PARD3B: variants seen among roughly 807,000 people sequenced by gnomAD.
The protein encoded by PARD3B is par-3 family cell polarity regulator beta.
Under a neutral mutation model 130.2 loss-of-function variants are expected in PARD3B, and 103 were observed. The ratio of observed to expected loss-of-function variants is 0.79; its 90% confidence interval spans 0.67 to 0.93. PARD3B has a LOEUF of 0.93. Among genes scored for constraint, PARD3B ranks in the 40% least tolerant of loss-of-function variants. The pLI is 0.00. For missense variants in PARD3B, 1,609 were observed against 1,499.2 expected, an observed-to-expected ratio of 1.07 and a Z score of -1.21; for synonymous variants, 583 against 553.2, an observed-to-expected ratio of 1.05 and a Z score of -0.76.
At chr2:204,922,536 A>G (rs996677139) in intron 2 of PARD3B, among the ~76,000 whole-genome samples, 15 of 152,070 alleles carry the variant, frequency 9.9e-5, no homozygotes, top group Non-Finnish European at 2.1e-4. Flanking sequence ...GAAAAGTCAT[A>G]TTGCATTTGG....
At chr2:204,624,768 C>T (rs2034428850) in intron 1 of PARD3B, among the ~76,000 whole-genome samples, 1 of 152,012 alleles carries the variant, frequency 6.6e-6, no homozygotes, top group Admixed American at 6.6e-5. Flanking sequence ...GATCTCTGGG[C>T]CATATGTTAA....
chr2:205,036,930 CAT>C (rs1004895162), intron 3 of PARD3B, among the ~76,000 whole-genome samples: 46 of 146,556 alleles, frequency 3.1e-4, no homozygotes, highest in African/African-American at 9.8e-4. Flanking sequence ...ATATAAAAAA[CAT>C]ATAGTGGACT....
intron 2 of PARD3B, among the ~76,000 whole-genome samples, chr2:204,832,925 T>C (rs75805465): frequency 0.014 from 2,168 of 152,296 alleles, 23 homozygotes; most frequent in African/African-American, 0.027. Context: ...GTCCCTATCA[T>C]TAAAGAACGA....
chr2:204,682,178 C>T (rs1455753691), intron 1 of PARD3B, among the ~76,000 whole-genome samples: 3 of 152,142 alleles, frequency 2.0e-5, no homozygotes, highest in South Asian at 2.1e-4. Context: ...TGCCTGGGTA[C>T]GTATGCTTAT....
chr2:204,625,438 A>G (rs1033557617), intron 1 of PARD3B, among the ~76,000 whole-genome samples: 13 of 152,286 alleles, frequency 8.5e-5, no homozygotes, highest in Non-Finnish European at 1.2e-4. Flanking sequence ...TCACTCTTGC[A>G]ATTTAGTGGA....
chr2:205,132,227 A>C (rs1485028098), intron 10 of PARD3B, among the ~76,000 whole-genome samples: 2 of 152,220 alleles, frequency 1.3e-5, no homozygotes, highest in Admixed American at 1.3e-4. Context: ...TGTGGTAGAA[A>C]ACTTTGGTTT....
intron 18 of PARD3B, among the ~76,000 whole-genome samples, chr2:205,381,144 AATAT>A (rs199536381): frequency 9.6e-6 from 1 of 104,696 alleles, no homozygotes; most frequent in African/African-American, 3.6e-5. Context: ...AAGAATATAT[AATAT>A]ATATAATATA....
chr2:205,140,977 C>T (rs888586178), intron 10 of PARD3B, among the ~76,000 whole-genome samples: 1 of 152,062 alleles, frequency 6.6e-6, no homozygotes, highest in Non-Finnish European at 1.5e-5. Flanking sequence ...TTAGCTAGTG[C>T]CCTACTTTTG....
rs2051537428 is a variant in PARD3B, at chr2:205,530,383, G to A, written c.3181-22941G>A. Among the ~76,000 whole-genome samples the A allele has an allele frequency of 1.3e-5, 2 of 152,166 alleles. No homozygotes were observed. The highest frequency in any genetic ancestry group is 4.8e-5 in the African/African-American group (2 of 41,434). Reference sequence around the variant, plus strand: ...TGTAATTTACATGTAATGCCACTTTGTAGTCAGTTCAATTGTAGCAAAAAT... The same window carrying A: ...TGTAATTTACATGTAATGCCACTTTATAGTCAGTTCAATTGTAGCAAAAAT... On this transcript the variant is annotated intron_variant, in intron 21 of 22. Coordinates refer to ENST00000406610, the MANE Select transcript of PARD3B (RefSeq NM_001302769.2). This position sits in a 1 kb window ranked among gnomAD's most constrained non-coding sequence, Gnocchi z 4.7.
chr2:204,961,527 CT>C (rs1235732700), intron 2 of PARD3B, among the ~76,000 whole-genome samples: 1 of 152,010 alleles, frequency 6.6e-6, no homozygotes, highest in Non-Finnish European at 1.5e-5. Flanking sequence ...GGAAATGAGC[CT>C]GGAGTTATAG....
intron 22 of PARD3B, among the ~76,000 whole-genome samples, chr2:205,574,608 C>G (rs567858369): frequency 5.3e-5 from 8 of 152,198 alleles, no homozygotes. Context: ...TTACAGGAAT[C>G]AATAAAGACT....
Position 205,592,685 on chromosome 2 carries a change from C to T in PARD3B, c.3261-22771C>T, listed in dbSNP as rs558890639. Among the ~76,000 whole-genome samples the T allele has an allele frequency of 1.8e-4, 28 of 152,300 alleles. 2 individuals carry two copies. Among genetic ancestry groups the T allele is most frequent in the African/African-American group, 5.3e-4 (22 of 41,556 alleles). ...CCATATAAATCTAAATCAATCATAA[C>T]GTATATTTCTGAGATGATTACTCAG... On this transcript the variant is annotated intron_variant, in intron 22 of 22. Transcript: ENST00000406610. This position sits in a 1 kb window ranked among gnomAD's most constrained non-coding sequence, Gnocchi z 4.5.
At chr2:205,398,941 G>A (rs2046136886) in intron 18 of PARD3B, among the ~76,000 whole-genome samples, 1 of 152,122 alleles carries the variant, frequency 6.6e-6, no homozygotes, top group African/African-American at 2.4e-5. Flanking sequence ...AGGGTTGGGG[G>A]TATGAAGCCG....
At chr2:205,381,023 G>GATATATATAAAGAAT (rs1237137382) in intron 18 of PARD3B, among the ~76,000 whole-genome samples, 46,888 of 64,792 alleles carry the variant, frequency 0.72, 17,836 homozygotes, top group South Asian at 0.85. Context: ...GAATATATAT[G>GATATATATAAAGAAT]ATATATTATA....
chr2:204,786,870 T>G (rs1388286341), intron 2 of PARD3B, among the ~76,000 whole-genome samples: 1 of 151,816 alleles, frequency 6.6e-6, no homozygotes, highest in East Asian at 1.9e-4. Context: ...TCATTCTCAA[T>G]GTAATAAAGA....
In PARD3B at chr2:205,128,829, T is replaced by A. The variant is rs181825504; in HGVS notation, c.1434+3092T>A. ...GTTTTATTTTTTTATTATTTTATAA[T>A]GTATTCTGGGATCCAAAATACTGAG... On this transcript the variant is annotated intron_variant, in intron 10 of 22. Coordinates refer to ENST00000406610, the MANE Select transcript of PARD3B (RefSeq NM_001302769.2). This position sits in a 1 kb window ranked among gnomAD's most constrained non-coding sequence, Gnocchi z 4.5. 1.3e-4 allele frequency among the ~76,000 whole-genome samples: 20 copies of A among 152,312 alleles called. No individual in the cohort carries two copies. The highest frequency in any genetic ancestry group is 4.8e-4 in the African/African-American group (20 of 41,556).
rs764989813 is a variant in PARD3B, at chr2:205,446,063, G to A, written c.3044+5391G>A. ...AGTGCAGCCGAAGAGTAAGTGCAGG[G>A]TACTGTTTGGGGCCAGGCAGCAAGG... On this transcript the variant is annotated intron_variant, in intron 20 of 22. Coordinates refer to ENST00000406610, the MANE Select transcript of PARD3B (RefSeq NM_001302769.2). The surrounding 1 kb of genome is among the most constrained non-coding windows in gnomAD (Gnocchi z 4.4). 7.9e-5 allele frequency among the ~76,000 whole-genome samples: 12 copies of A among 152,126 alleles called. No individual in the cohort carries two copies. Among genetic ancestry groups the A allele is most frequent in the South Asian group, 4.1e-4 (2 of 4,824 alleles).
At chr2:205,297,540 ACC>A (rs1419207326) in intron 16 of PARD3B, among the ~76,000 whole-genome samples, 1 of 152,130 alleles carries the variant, frequency 6.6e-6, no homozygotes, top group Non-Finnish European at 1.5e-5. Flanking sequence ...GGTAACCTTG[ACC>A]TTCTGTAGGA....
chr2:204,633,556 G>A (rs942323594), intron 1 of PARD3B, among the ~76,000 whole-genome samples: 3 of 152,140 alleles, frequency 2.0e-5, no homozygotes, highest in Non-Finnish European at 2.9e-5. Flanking sequence ...GCTCACACCT[G>A]TAATCCCAGC....
Sources: allele counts gnomAD v4.1 joint callset (sites outside exome capture counted in the v4.1 genomes callset), GRCh38; gene constraint gnomAD v4.1.1; non-coding constraint Gnocchi (gnomAD v3.1); transcripts MANE v1.5; gene names NCBI Gene and HGNC (gene_info 2026-07-23, HGNC 2026-07-21).